CAPN2: variants seen among roughly 807,000 people sequenced by gnomAD.
CAPN2 encodes the protein calpain-2 catalytic subunit.
In CAPN2, 92 loss-of-function variants were observed where a neutral mutation model predicts 102.3. The ratio of observed to expected loss-of-function variants is 0.90; its 90% CI spans 0.76 to 1.07. The LOEUF is 1.07. Among genes scored for constraint, CAPN2 ranks in the 50% least tolerant of loss-of-function variants. The probability of loss-of-function intolerance (pLI) is 0.00; values close to 1 mark genes in which losing one functional copy is unlikely to be tolerated. For missense variants in CAPN2, 800 were observed against 909.4 expected (o/e 0.88, Z 1.55); for synonymous variants, 340 against 355.4 (o/e 0.96, Z 0.49).
At chr1:223,765,925 G>A (rs1661302550) in intron 15 of CAPN2, among the ~76,000 whole-genome samples, 1 of 152,202 alleles carries the variant, frequency 6.6e-6, no homozygotes, top group Admixed American at 6.5e-5. Context: ...CAGTTCCTCA[G>A]GTTTCTCAGT....
At chr1:223,749,329 C>T in intron 6 of CAPN2, 1 of 591,376 alleles carries the variant, frequency 1.7e-6, no homozygotes, top group Non-Finnish European at 3.0e-6. Context: ...ACCTGGTGGC[C>T]GCAGTGGCCG....
chr1:223,735,526 TA>T (rs566489022), intron 2 of CAPN2, among the ~76,000 whole-genome samples: 39,566 of 131,428 alleles, frequency 0.3, 6,338 homozygotes, highest in African/African-American at 0.48. Context: ...AGACTCTATC[TA>T]AAAAAAAAAA....
rs1661136267 is a variant in CAPN2 at position 223,759,606 on chromosome 1, C to T, written c.1529+125C>T. 1.4e-6 allele frequency: 1 copy of T among 691,770 alleles called. No homozygotes were observed. The highest frequency in any genetic ancestry group is 1.8e-5 in the South Asian group (1 of 54,816). 42.9% of individuals were successfully genotyped at this position (691,770 alleles called of 1,614,324 possible). A position where few individuals can be genotyped will look rare whatever the true frequency, so the allele number is the denominator to read the frequency against. ...TTACTTTTTCTGTAACACCTGCCCA[C>T]CTCGAAGGACTAGTGTGGGGATTTG... On this transcript the variant is annotated intron_variant, in intron 12 of 20. Coordinates refer to ENST00000295006, the MANE Select transcript of CAPN2 (RefSeq NM_001748.5). This position sits in a 1 kb window ranked among gnomAD's most constrained non-coding sequence, Gnocchi z 4.6.
chr1:223,753,593 C>G (rs145965308), intron 9 of CAPN2, among the ~76,000 whole-genome samples: 1 of 152,320 alleles, frequency 6.6e-6, no homozygotes, highest in African/African-American at 2.4e-5. Context: ...TTGGAACTAT[C>G]CTAAGTGTTT....
At chr1:223,707,890 CAG>C (rs1474544573), upstream of CAPN2, among the ~76,000 whole-genome samples, 1 of 152,176 alleles carries the variant, frequency 6.6e-6, no homozygotes, top group African/African-American at 2.4e-5. Flanking sequence ...TCACTTCCTC[CAG>C]AGATGAGCTG....
In CAPN2 at chr1:223,759,951, GCTCTCT is replaced by G. The variant is rs1431525365; in HGVS notation, c.1529+474_1529+479del. On this transcript the variant is annotated intron_variant, in intron 12 of 20. Coordinates refer to ENST00000295006, the MANE Select transcript of CAPN2 (RefSeq NM_001748.5). This position sits in a 1 kb window ranked among gnomAD's most constrained non-coding sequence, Gnocchi z 4.6. Reference sequence around the variant, plus strand: ...CCCTATTATAGTTGTCATGTCACCAGCTCTCTCTCCCCTTCCTCATGGGATCCCACG... The same window carrying G: ...CCCTATTATAGTTGTCATGTCACCAGCTCCCCTTCCTCATGGGATCCCACG... 6.6e-6 allele frequency among the ~76,000 whole-genome samples: 1 copy of G among 152,074 alleles called. No homozygotes were observed. Among genetic ancestry groups the G allele is most frequent in the Non-Finnish European group, 1.5e-5 (1 of 68,008 alleles).
At chr1:223,737,713 G>GGGGT (rs1491173610) in intron 2 of CAPN2, among the ~76,000 whole-genome samples, 15 of 38,228 alleles carry the variant, frequency 3.9e-4, no homozygotes, top group African/African-American at 1.3e-3. Flanking sequence ...GGGGCGGGGG[G>GGGGT]TGGGGGGGAG....
At chr1:223,744,638 A>C (rs886401998) in intron 3 of CAPN2, among the ~76,000 whole-genome samples, 20 of 152,298 alleles carry the variant, frequency 1.3e-4, no homozygotes, top group African/African-American at 3.8e-4. Flanking sequence ...AGGTGGGCAG[A>C]TCATTTGAGG....
rs1225126962 is a variant in CAPN2 at position 223,766,404 on chromosome 1, A to G, written c.1728A>G (p.Thr576=). 6.2e-7 allele frequency: 1 copy of G among 1,613,880 alleles called. No individual in the cohort carries two copies. The highest frequency in any genetic ancestry group is 1.3e-5 in the African/African-American group (1 of 75,072). Residue 576 remains threonine, a synonymous_variant, in exon 16 of 21, where the codon ACA becomes ACG. Coordinates refer to ENST00000295006, the MANE Select transcript of CAPN2 (RefSeq NM_001748.5). The part of the protein sequence containing the change: ...DIKSDGFSIE[T]CKIMVDMLDS... ...AGTCAGATGGCTTCAGCATCGAGAC[A>G]TGCAAAATTATGGTTGACATGCTAG...
rs377245469 is a variant in CAPN2, at chr1:223,715,595, C to T, written c.238-2167C>T. 5.3e-4 allele frequency among the ~76,000 whole-genome samples: 81 copies of T among 151,986 alleles called. No homozygotes were observed. The East Asian group carries it at 0.011, about 21-fold the overall frequency. On this transcript the variant is annotated intron_variant, in intron 1 of 20. Coordinates refer to ENST00000295006, the MANE Select transcript of CAPN2 (RefSeq NM_001748.5). ...GCAAGAGTGGCTCCAGTGCCTGGAG[C>T]GGGGATTAAAGCAGTAAGTCCAGTG...
In CAPN2 at chr1:223,775,252, G is replaced by T; in HGVS notation, c.*395G>T. On this transcript the variant is annotated 3_prime_UTR_variant, in exon 21 of 21. Coordinates refer to ENST00000295006, the MANE Select transcript of CAPN2 (RefSeq NM_001748.5). ...GCTCTCAAAGGACACGAGGCCCTTG[G>T]CAGGGAATATTTAAAGCAACTTCAA... The T allele has an allele frequency of 5.7e-6, 1 of 175,460 alleles. No homozygotes were observed. The highest frequency in any genetic ancestry group is 1.2e-5 in the Non-Finnish European group (1 of 83,258). 10.9% of individuals were successfully genotyped at this position (175,460 alleles called of 1,614,324 possible).
intron 2 of CAPN2, among the ~76,000 whole-genome samples, chr1:223,738,803 T>G (rs1303316257): frequency 6.6e-6 from 1 of 152,190 alleles, no homozygotes; most frequent in Non-Finnish European, 1.5e-5. Flanking sequence ...TGGGGACAAT[T>G]GTCAGATTCT....
At chr1:223,740,875 A>G (rs1358469400) in intron 2 of CAPN2, among the ~76,000 whole-genome samples, 1 of 152,202 alleles carries the variant, frequency 6.6e-6, no homozygotes, top group African/African-American at 2.4e-5. Context: ...AATTAGGTGA[A>G]TTCGAAATTG....
At chr1:223,748,808 A>G (rs1660814224) in intron 5 of CAPN2, among the ~76,000 whole-genome samples, 1 of 152,146 alleles carries the variant, frequency 6.6e-6, no homozygotes. Context: ...TCGTTCCGCG[A>G]GAGGGTTGCA....
intron 13 of CAPN2, 84 bp downstream of exon 13, chr1:223,761,701 G>A: frequency 8.8e-7 from 1 of 1,141,834 alleles, no homozygotes; most frequent in Non-Finnish European, 1.3e-6. Context: ...AGAGTTTTTG[G>A]ACTTCACGAA....
intron 14 of CAPN2, among the ~76,000 whole-genome samples, chr1:223,763,694 C>T (rs535253217): frequency 4.6e-5 from 7 of 152,308 alleles, no homozygotes; most frequent in African/African-American, 1.4e-4. Context: ...AGACCACAAA[C>T]ATGGGTAGAG....
chr1:223,722,593 A>T (rs1439503285), intron 2 of CAPN2, among the ~76,000 whole-genome samples: 3 of 151,902 alleles, frequency 2.0e-5, no homozygotes, highest in African/African-American at 7.3e-5. Flanking sequence ...CCTGGCAAAT[A>T]ATTTTTAAAT....
intron 2 of CAPN2, among the ~76,000 whole-genome samples, chr1:223,740,391 G>A (rs1660583476): frequency 6.6e-6 from 1 of 152,186 alleles, no homozygotes; most frequent in Non-Finnish European, 1.5e-5. Context: ...AGGAGACAGG[G>A]TCATTTATAA....
At chr1:223,774,147 C>G (rs897394760) in intron 20 of CAPN2, among the ~76,000 whole-genome samples, 4 of 151,812 alleles carry the variant, frequency 2.6e-5, no homozygotes, top group African/African-American at 9.7e-5. Context: ...CCTATTCTAC[C>G]CCAGCCACCC....
Sources: gnomAD v4.1 joint callset for allele counts (sites outside exome capture counted in the v4.1 genomes callset) on GRCh38, gnomAD v4.1.1 for gene constraint, Gnocchi (gnomAD v3.1) non-coding constraint, MANE v1.5 for transcripts, NCBI Gene and HGNC (gene_info 2026-07-23, HGNC 2026-07-21) for gene names.